SEMA4D: variants seen among roughly 807,000 people sequenced by gnomAD.
SEMA4D encodes the protein semaphorin-4D.
Under a neutral mutation model 74.8 loss-of-function variants are expected in SEMA4D, and 22 were observed. The ratio of observed to expected loss-of-function variants is 0.29; its 90% confidence interval spans 0.21 to 0.42. The LOEUF (loss-of-function observed/expected upper bound fraction) is 0.42, where lower values mean the gene tolerates loss of function less well. SEMA4D is among the 10% of genes least tolerant of loss of function. SEMA4D has a pLI of 1.00. For missense variants in SEMA4D, 937 were observed against 1,118.4 expected (o/e 0.84, Z 2.31); for synonymous variants, 445 against 463.7 (o/e 0.96, Z 0.52).
At chr9:89,362,579 A>C in intron 18 of SEMA4D, 1 of 1,390,626 alleles carries the variant, frequency 7.2e-7, no homozygotes, top group East Asian at 2.3e-5. Flanking sequence ...TAAAGATCCA[A>C]ATGCCAGGAG....
chr9:89,391,210 G>C, intron 9 of SEMA4D, 54 bp downstream of exon 9: 1 of 1,578,636 alleles, frequency 6.3e-7, no homozygotes, highest in South Asian at 1.1e-5. Flanking sequence ...CCATCATCCA[G>C]GCACACTATT....
At chr9:89,424,157 A>G (rs10114167) in intron 2 of SEMA4D, among the ~76,000 whole-genome samples, 91,095 of 151,912 alleles carry the variant, frequency 0.6, 28,222 homozygotes, top group African/African-American at 0.76. Context: ...TCCTCCCCAC[A>G]GCTACTTCCC....
At chr9:89,375,947 T>A (rs1835733245), downstream of SEMA4D, among the ~76,000 whole-genome samples, 1 of 152,144 alleles carries the variant, frequency 6.6e-6, no homozygotes, top group Admixed American at 6.5e-5. Context: ...TACTGTAACC[T>A]CAAACTCCTG....
intron 17 of SEMA4D, chr9:89,363,718 C>T (rs1833125910): frequency 6.2e-7 from 1 of 1,607,168 alleles, no homozygotes; most frequent in African/African-American, 1.3e-5. Context: ...AAAAGGGTAA[C>T]AGTGGGCATG....
chr9:89,487,740 T>C (rs1168869543), intron 1 of SEMA4D, among the ~76,000 whole-genome samples: 2 of 151,902 alleles, frequency 1.3e-5, no homozygotes, highest in Non-Finnish European at 2.9e-5. Context: ...AACTGGAAAA[T>C]AAAATTTTTA....
intron 16 of SEMA4D, among the ~76,000 whole-genome samples, chr9:89,370,292 G>A (rs1014496208): frequency 6.6e-6 from 1 of 151,548 alleles, no homozygotes; most frequent in African/African-American, 2.4e-5. Context: ...TTGTGTTTGT[G>A]ATGTGTGTGC....
At chr9:89,443,719 T>C (rs114219044) in intron 2 of SEMA4D, among the ~76,000 whole-genome samples, 5,055 of 152,314 alleles carry the variant, frequency 0.033, 166 homozygotes, top group Middle Eastern at 0.088. Context: ...CCTGAAACTC[T>C]CTACCCTCCC....
intron 12 of SEMA4D, among the ~76,000 whole-genome samples, chr9:89,386,902 C>G (rs1447596058): frequency 6.6e-6 from 1 of 152,096 alleles, no homozygotes; most frequent in African/African-American, 2.4e-5. Flanking sequence ...CCACAATGCG[C>G]TGCCAGCCAC....
chr9:89,378,632 C>A lies in SEMA4D; in HGVS notation c.*72G>T, dbSNP rs776634069. ...CACTGCACGAGACTCGGATACTGAA[C>A]AGGAGAAACACAAAACTCTCCACGC... On this transcript the variant is annotated 3_prime_UTR_variant, in exon 16 of 16. Transcript: ENST00000422704. 3.3e-6 allele frequency: 4 copies of A among 1,194,608 alleles called. No individual in the cohort carries two copies. The highest frequency in any genetic ancestry group is 4.9e-6 in the Non-Finnish European group (4 of 817,720). 74.0% of individuals were successfully genotyped at this position (1,194,608 alleles called of 1,614,324 possible).
intron 13 of SEMA4D, among the ~76,000 whole-genome samples, chr9:89,384,180 T>C (rs1344029735): frequency 6.6e-6 from 1 of 152,168 alleles, no homozygotes; most frequent in Non-Finnish European, 1.5e-5. Flanking sequence ...ACTTGAGGTA[T>C]CTGCACACCC....
chr9:89,494,305 A>G (rs1049375900), intron 1 of SEMA4D, among the ~76,000 whole-genome samples: 3 of 152,106 alleles, frequency 2.0e-5, no homozygotes, highest in Admixed American at 6.5e-5. Flanking sequence ...TCCTCCCCCA[A>G]CACACACTCA....
At chr9:89,414,210 A>C (rs1845189362) in intron 2 of SEMA4D, among the ~76,000 whole-genome samples, 3 of 152,176 alleles carry the variant, frequency 2.0e-5, no homozygotes, top group Admixed American at 2.0e-4. Flanking sequence ...ATCCCAGGGA[A>C]ACTGAAAGGG....
intron 2 of SEMA4D, among the ~76,000 whole-genome samples, chr9:89,443,430 C>T (rs1182154825): frequency 1.3e-5 from 2 of 152,328 alleles, no homozygotes; most frequent in East Asian, 1.9e-4. Flanking sequence ...GGGTGTACCA[C>T]GGTCCTGTTG....
intron 1 of SEMA4D, among the ~76,000 whole-genome samples, chr9:89,475,842 A>G (rs1047016930): frequency 2.6e-5 from 4 of 152,208 alleles, no homozygotes; most frequent in African/African-American, 7.2e-5. Flanking sequence ...TTTTCCCAGA[A>G]AAAGAAAATA....
chr9:89,393,793 A>G (rs1840342365), intron 6 of SEMA4D, 138 bp from the exon 7 acceptor site: 2 of 666,088 alleles, frequency 3.0e-6, no homozygotes, highest in Non-Finnish European at 5.3e-6. Context: ...GTGGAGCTAC[A>G]GGAGTCCCGC....
rs1193569870 is a variant in SEMA4D at position 89,418,331 on chromosome 9, G to A, written c.-243-12632C>T. On this transcript the variant is annotated intron_variant, in intron 2 of 15. Coordinates refer to ENST00000422704, the MANE Select transcript of SEMA4D (RefSeq NM_001371194.2). The stretch of plus-strand genomic sequence containing the variant: ...AGGAGCTGTGCAACCACCCACCCAC[G>A]AACAGAGGGGAAGGGCAGCCCAGCC... The A allele has an allele frequency of 1.3e-5, 13 of 972,914 alleles. No homozygotes were observed. The East Asian group carries it at 6.8e-4, about 51-fold the overall frequency. 60.3% of individuals were successfully genotyped at this position (972,914 alleles called of 1,614,324 possible).
chr9:89,402,457 T>C (rs1006095985), intron 4 of SEMA4D, among the ~76,000 whole-genome samples: 8 of 152,170 alleles, frequency 5.3e-5, no homozygotes. Context: ...ATATAAATTT[T>C]GGAGAAGCTA....
chr9:89,496,582 G>A (rs1295617177), intron 1 of SEMA4D, among the ~76,000 whole-genome samples: 5 of 152,178 alleles, frequency 3.3e-5, no homozygotes, highest in African/African-American at 1.2e-4. Flanking sequence ...AGCCTCCCTG[G>A]TGGGTATGCT....
At position 89,399,427 on chromosome 9, in the gene SEMA4D, T is replaced by C; in HGVS notation, c.253-89A>G. The C allele has an allele frequency of 7.9e-6, 8 of 1,006,438 alleles. No homozygotes were observed. The South Asian group carries it at 1.0e-4, about 13-fold the overall frequency. The allele number at this position is 1,006,438 out of a possible 1,614,324, so 62.3% of individuals were successfully genotyped here. ...AATTTTAAAAGCACATGATAGAGTT[T>C]AGAGCCTAGAGGTTTCTCCTGAGAT... On this transcript the variant is annotated intron_variant, in intron 4 of 15. Coordinates refer to ENST00000422704, the MANE Select transcript of SEMA4D (RefSeq NM_001371194.2).
Sources: allele counts gnomAD v4.1 joint callset (sites outside exome capture counted in the v4.1 genomes callset), GRCh38; gene constraint gnomAD v4.1.1; transcripts MANE v1.5; gene names NCBI Gene and HGNC (gene_info 2026-07-23, HGNC 2026-07-21).